Variants in PRR16 observed in about 807,000 individuals in gnomAD.
The protein encoded by PRR16 is protein Largen.
A neutral mutation model predicts 18.2 loss-of-function variants in PRR16; 6 were observed. That is an observed-to-expected ratio of 0.33 (90% CI 0.18 to 0.65). The LOEUF (loss-of-function observed/expected upper bound fraction) is 0.65, where lower values mean the gene tolerates loss of function less well. Ranked by LOEUF, PRR16 falls within the 30% of genes least tolerant of loss-of-function variation. The pLI is 0.74. For missense variants in PRR16, 412 were observed against 376.6 expected, an observed-to-expected ratio of 1.09 and a Z score of -0.78; for synonymous variants, 151 against 147.8, an observed-to-expected ratio of 1.02 and a Z score of -0.16.
the PRR16 span, among the ~76,000 whole-genome samples, chr5:120,712,074 G>C: frequency 2.6e-5 from 4 of 152,042 alleles, no homozygotes; most frequent in South Asian, 2.1e-4. Context: ...CTAATGACTG[G>C]GCTAAATTCA....
chr5:120,768,039 C>G, the PRR16 span, among the ~76,000 whole-genome samples: 68 of 151,880 alleles, frequency 4.5e-4, 1 homozygote, highest in African/African-American at 1.6e-3. Context: ...GTTATCACCC[C>G]AGAAAGAAAC....
intron 1 of PRR16, among the ~76,000 whole-genome samples, chr5:120,483,268 C>T (rs1749680759): frequency 6.6e-6 from 1 of 152,080 alleles, no homozygotes; most frequent in African/African-American, 2.4e-5. Flanking sequence ...CCTGTGCATA[C>T]AGAACTGTAT....
At chr5:120,721,617 G>T in the PRR16 span, among the ~76,000 whole-genome samples, 1 of 151,992 alleles carries the variant, frequency 6.6e-6, no homozygotes, top group Admixed American at 6.6e-5. Flanking sequence ...ATTGTTGTGA[G>T]CAAGTAGTGG....
rs115296929 is a variant in PRR16 at position 120,686,941 on chromosome 5, G to A, written c.*232G>A. 6.7e-3 allele frequency: 2,302 copies of A among 342,090 alleles called. 62 individuals are homozygous for A. Among genetic ancestry groups the A allele is most frequent in the African/African-American group, 0.044 (2,072 of 47,382 alleles). 21.2% of individuals were successfully genotyped at this position (342,090 alleles called of 1,614,324 possible). On this transcript the variant is annotated 3_prime_UTR_variant, in exon 2 of 2. Coordinates refer to ENST00000407149, the MANE Select transcript of PRR16 (RefSeq NM_001300783.2). ...CAGAATGATGAAAAATATGAATGAT[G>A]CATTGTTTTTGCAATTGACCTATGA... is the stretch of plus-strand genomic sequence containing the variant.
Position 120,597,916 on chromosome 5 carries a change from T to G in PRR16, c.160-88038T>G, listed in dbSNP as rs969837374. On this transcript the variant is annotated intron_variant, in intron 1 of 1. Coordinates refer to ENST00000407149, the MANE Select transcript of PRR16 (RefSeq NM_001300783.2). ...TTTTAGTGAAATCTCTTTGGATGTG[T>G]AGAATAATTTGGGGTGAATGGCTGT... Among the ~76,000 whole-genome samples, 25 of 151,948 alleles carry G rather than the reference T, an allele frequency of 1.6e-4. 1 individual carries two copies. Among genetic ancestry groups the G allele is most frequent in the Admixed American group, 1.4e-3 (22 of 15,206 alleles).
At chr5:120,480,072 A>G (rs1474966220) in intron 1 of PRR16, among the ~76,000 whole-genome samples, 2 of 152,322 alleles carry the variant, frequency 1.3e-5, no homozygotes, top group Non-Finnish European at 2.9e-5. Flanking sequence ...AACCTTATTC[A>G]TAACAGGCTG....
the PRR16 span, among the ~76,000 whole-genome samples, chr5:120,793,591 C>T: frequency 1.3e-5 from 2 of 152,058 alleles, no homozygotes. Flanking sequence ...GAAATCAGAT[C>T]TCACCTATCT....
At chr5:120,707,257 C>G in the PRR16 span, among the ~76,000 whole-genome samples, 2 of 152,164 alleles carry the variant, frequency 1.3e-5, no homozygotes, top group Admixed American at 6.5e-5. Context: ...CTTTTGCTTG[C>G]TCTAGTCTCC....
At chr5:120,574,747 T>C (rs966261699) in intron 1 of PRR16, among the ~76,000 whole-genome samples, 11 of 149,172 alleles carry the variant, frequency 7.4e-5, no homozygotes, top group Non-Finnish European at 1.6e-4. Flanking sequence ...AAAATAGATA[T>C]TGAATATTGG....
At chr5:120,662,823 A>C (rs1304685295) in intron 1 of PRR16, among the ~76,000 whole-genome samples, 1 of 152,070 alleles carries the variant, frequency 6.6e-6, no homozygotes, top group Non-Finnish European at 1.5e-5. Context: ...ACAGTCCTAT[A>C]GCTTGAAGGC....
intron 1 of PRR16, among the ~76,000 whole-genome samples, chr5:120,674,473 G>T (rs551282633): frequency 1.3e-3 from 201 of 152,244 alleles, no homozygotes; most frequent in Non-Finnish European, 2.4e-3. Flanking sequence ...TAAAATTGGG[G>T]TTGAAATAAT....
intron 1 of PRR16, among the ~76,000 whole-genome samples, chr5:120,667,968 G>T (rs932904839): frequency 1.3e-5 from 2 of 152,032 alleles, no homozygotes; most frequent in African/African-American, 4.8e-5. Context: ...TGTCTATTAG[G>T]TCTGCTTGGT....
chr5:120,707,383 C>T, the PRR16 span, among the ~76,000 whole-genome samples: 1 of 152,080 alleles, frequency 6.6e-6, no homozygotes, highest in Admixed American at 6.5e-5. Context: ...AGAATGCTGG[C>T]CCATATAGGA....
chr5:120,774,375 AT>A, the PRR16 span, among the ~76,000 whole-genome samples: 1 of 151,974 alleles, frequency 6.6e-6, no homozygotes, highest in Non-Finnish European at 1.5e-5. Context: ...TTTCTCATGA[AT>A]TTTTTTCTTC....
chr5:120,489,865 A>G (rs935386429), intron 1 of PRR16, among the ~76,000 whole-genome samples: 7 of 152,164 alleles, frequency 4.6e-5, no homozygotes, highest in Admixed American at 6.5e-5. Flanking sequence ...AAAATCTCTC[A>G]GCATTTGCTT....
intron 1 of PRR16, among the ~76,000 whole-genome samples, chr5:120,564,988 G>GAA (rs34900155): frequency 7.3e-4 from 67 of 91,878 alleles, no homozygotes; most frequent in African/African-American, 2.3e-3. Flanking sequence ...TCTGTTTCCA[G>GAA]AAAAAAAAAA....
At chr5:120,582,165 G>C (rs1460182298) in intron 1 of PRR16, among the ~76,000 whole-genome samples, 2 of 152,118 alleles carry the variant, frequency 1.3e-5, no homozygotes, top group African/African-American at 4.8e-5. Flanking sequence ...AACATGCCTG[G>C]AGCTGGAGAT....
chr5:120,592,904 A>G (rs1753682000), intron 1 of PRR16, among the ~76,000 whole-genome samples: 1 of 152,184 alleles, frequency 6.6e-6, no homozygotes, highest in Non-Finnish European at 1.5e-5. Context: ...CTTCTTTAAC[A>G]GATTACAAAA....
the PRR16 span, among the ~76,000 whole-genome samples, chr5:120,698,583 A>C: frequency 1.3e-5 from 2 of 150,822 alleles, no homozygotes; most frequent in Non-Finnish European, 3.0e-5. Flanking sequence ...AGAAGATAGT[A>C]GGGATGACAA....
Sources: allele counts gnomAD v4.1 joint callset (sites outside exome capture counted in the v4.1 genomes callset), GRCh38; gene constraint gnomAD v4.1.1; transcripts MANE v1.5; gene names NCBI Gene and HGNC (gene_info 2026-07-23, HGNC 2026-07-21).